DOCK3: variants seen among roughly 807,000 people sequenced by gnomAD.
The protein encoded by DOCK3 is dedicator of cytokinesis 3.
In DOCK3, 60 loss-of-function variants were observed where a neutral mutation model predicts 265.6. That is an observed-to-expected ratio of 0.23 (90% CI 0.18 to 0.28). DOCK3 has a LOEUF of 0.28. Ranked by LOEUF, DOCK3 falls within the 10% of genes least tolerant of loss-of-function variation. DOCK3 has a pLI of 1.00. For synonymous variants in DOCK3, 881 were observed against 938.0 expected, an observed-to-expected ratio of 0.94 and a Z score of 1.11; for missense variants, 1,981 against 2,594.3, an observed-to-expected ratio of 0.76 and a Z score of 5.14.
chr3:50,873,447 C>T (rs969966340), intron 3 of DOCK3, among the ~76,000 whole-genome samples: 2 of 152,148 alleles, frequency 1.3e-5, no homozygotes, highest in Non-Finnish European at 2.9e-5. Flanking sequence ...TCACTGTTTC[C>T]TCTCCTCTCC....
intron 52 of DOCK3, 54 bp downstream of exon 52, chr3:51,380,261 G>T: frequency 1.3e-6 from 2 of 1,525,462 alleles, no homozygotes; most frequent in Non-Finnish European, 1.8e-6. Context: ...CATCTCGTCT[G>T]CTCTAGAACC....
chr3:51,159,202 T>C (rs762589893), intron 10 of DOCK3, 42 bp from the exon 11 acceptor site: 4 of 1,581,568 alleles, frequency 2.5e-6, no homozygotes, highest in Non-Finnish European at 3.5e-6. Flanking sequence ...TTAATTATTT[T>C]CTGTGTATTC....
intron 2 of DOCK3, among the ~76,000 whole-genome samples, chr3:50,823,164 ATTTATTTT>A (rs1007935266): frequency 2.6e-5 from 4 of 151,724 alleles, no homozygotes; most frequent in East Asian, 2.0e-4. Context: ...TTATTTATTT[ATTTATTTT>A]TTTTTATTGA....
At chr3:51,217,444 G>A (rs1471585444) in intron 14 of DOCK3, among the ~76,000 whole-genome samples, 1 of 152,152 alleles carries the variant, frequency 6.6e-6, no homozygotes, top group African/African-American at 2.4e-5. Context: ...GATACTGCTG[G>A]TGTTCTGGGA....
chr3:51,350,382 T>A lies in DOCK3; in HGVS notation c.4097T>A (p.Phe1366Tyr). The A allele has an allele frequency of 6.2e-7, 1 of 1,612,140 alleles. No individual in the cohort carries two copies. Among genetic ancestry groups the A allele is most frequent in the Non-Finnish European group, 8.5e-7 (1 of 1,179,440 alleles). ...RVGFYGRKFP[F>Y]FLRNKEYVCR... is the part of the protein sequence containing the mutation. ...GGCTTCTATGGCAGGAAGTTTCCTT[T>A]CTTTCTTCGGGTGAGTCCATTCAGA... Residue 1366 changes from phenylalanine to tyrosine, a missense_variant, in exon 40 of 53, where the codon TTC becomes TAC. Coordinates refer to ENST00000266037, the MANE Select transcript of DOCK3 (RefSeq NM_004947.5).
At chr3:51,076,484 C>T (rs981942669) in intron 7 of DOCK3, among the ~76,000 whole-genome samples, 1 of 152,186 alleles carries the variant, frequency 6.6e-6, no homozygotes, top group African/African-American at 2.4e-5. Flanking sequence ...TAAAGAATCT[C>T]ACTATCTAGG....
Position 51,305,834 on chromosome 3 carries a change from C to CTTTTTTTTT in DOCK3, c.2923-4384_2923-4376dup, listed in dbSNP as rs761039681. Among the ~76,000 whole-genome samples, 102 of 50,570 alleles carry CTTTTTTTTT rather than the reference C, an allele frequency of 2.0e-3. 4 individuals are homozygous for CTTTTTTTTT. The highest frequency in any genetic ancestry group is 4.4e-3 in the East Asian group (6 of 1,362). The allele number at this position is 50,570 out of a possible 152,430, so 33.2% of individuals were successfully genotyped here. On this transcript the variant is annotated intron_variant, in intron 27 of 52. Transcript: ENST00000266037. ...TCTGAGAATGTCTTGATTTCTTCTT[C>CTTTTTTTTT]TTTTTTTTTTTTTTTTTTTTTTGAG...
At chr3:50,883,013 A>C (rs2048131383) in intron 3 of DOCK3, among the ~76,000 whole-genome samples, 1 of 152,188 alleles carries the variant, frequency 6.6e-6, no homozygotes, top group African/African-American at 2.4e-5. Flanking sequence ...AAACTATTGC[A>C]AGGACAGAAA....
chr3:50,726,572 C>T (rs1258248253), intron 1 of DOCK3, among the ~76,000 whole-genome samples: 3 of 152,176 alleles, frequency 2.0e-5, no homozygotes, highest in African/African-American at 7.2e-5. Flanking sequence ...AGCCCTAAGT[C>T]AGGCCAGTCT....
At chr3:50,877,126 G>C in intron 3 of DOCK3, 1 of 277,772 alleles carries the variant, frequency 3.6e-6, no homozygotes. Context: ...CATTGCTCCA[G>C]GAAAATTACC....
chr3:51,059,848 C>G (rs1462055972), intron 5 of DOCK3, among the ~76,000 whole-genome samples: 1 of 151,948 alleles, frequency 6.6e-6, no homozygotes. Flanking sequence ...CCTTTTTTCC[C>G]CAGGATCCAT....
chr3:51,174,964 G>A (rs181714747), intron 12 of DOCK3, among the ~76,000 whole-genome samples: 2 of 152,182 alleles, frequency 1.3e-5, no homozygotes, highest in Non-Finnish European at 2.9e-5. Flanking sequence ...CAATAGAGCT[G>A]AGGCAAGGTG....
intron 4 of DOCK3, among the ~76,000 whole-genome samples, chr3:50,895,982 C>A (rs4688717): frequency 1.3e-5 from 2 of 152,004 alleles, no homozygotes; most frequent in Admixed American, 1.3e-4. Flanking sequence ...AATAAACATA[C>A]GCATGCATGT....
rs1230378816 is a variant in DOCK3, at chr3:51,312,195, C to G, written c.3093+116C>G. 8 of 956,134 alleles carry G rather than the reference C, an allele frequency of 8.4e-6. No individual in the cohort carries two copies. In the African/African-American group the frequency reaches 1.3e-4, roughly 16 times the overall value. The allele number at this position is 956,134 out of a possible 1,614,324, so 59.2% of individuals were successfully genotyped here. A position where few individuals can be genotyped will look rare whatever the true frequency, so the allele number is the denominator to read the frequency against. ...TCATAGTATCAAACAGCTTCCAAGC[C>G]TGATGATGATTAGAATATGACCTGG... is the stretch of plus-strand genomic sequence containing the variant. On this transcript the variant is annotated intron_variant, in intron 29 of 52. Coordinates refer to ENST00000266037, the MANE Select transcript of DOCK3 (RefSeq NM_004947.5).
chr3:50,920,876 G>T (rs964819797), intron 4 of DOCK3, among the ~76,000 whole-genome samples: 5 of 152,082 alleles, frequency 3.3e-5, no homozygotes, highest in Non-Finnish European at 5.9e-5. Flanking sequence ...GCTTTCTCTT[G>T]TGGGCATTTA....
At chr3:50,865,794 C>T (rs2047113107) in intron 3 of DOCK3, among the ~76,000 whole-genome samples, 1 of 152,200 alleles carries the variant, frequency 6.6e-6, no homozygotes, top group Admixed American at 6.5e-5. Context: ...TCCCTTTTCT[C>T]CACATCCTCA....
intron 2 of DOCK3, among the ~76,000 whole-genome samples, chr3:50,790,026 C>T (rs555150491): frequency 1.3e-5 from 2 of 152,286 alleles, no homozygotes; most frequent in South Asian, 2.1e-4. Context: ...AGCCACCATG[C>T]GTGGCCTAGT....
intron 49 of DOCK3, among the ~76,000 whole-genome samples, chr3:51,366,590 A>G (rs1378350870): frequency 6.6e-6 from 1 of 152,144 alleles, no homozygotes; most frequent in Non-Finnish European, 1.5e-5. Context: ...TAGGGTGTCA[A>G]TTTTAGATCT....
At chr3:51,263,776 A>C (rs547283577) in intron 23 of DOCK3, among the ~76,000 whole-genome samples, 5 of 152,350 alleles carry the variant, frequency 3.3e-5, no homozygotes, top group South Asian at 4.1e-4. Context: ...CAATCCTAGT[A>C]TCTGATAAAA....
Sources: gnomAD v4.1 joint callset for allele counts (sites outside exome capture counted in the v4.1 genomes callset) on GRCh38, gnomAD v4.1.1 for gene constraint, MANE v1.5 for transcripts, NCBI Gene and HGNC (gene_info 2026-07-23, HGNC 2026-07-21) for gene names.